SNX29: variants seen among roughly 807,000 people sequenced by gnomAD.
SNX29 encodes the protein sorting nexin-29.
In SNX29, 78 loss-of-function variants were observed where a neutral mutation model predicts 102.1. The observed-to-expected ratio is 0.76, with a 90% CI of 0.64 to 0.92. SNX29 has a LOEUF of 0.92. Among genes scored for constraint, SNX29 ranks in the 40% least tolerant of loss-of-function variants. SNX29 has a pLI of 0.00. For synonymous variants in SNX29, 580 were observed against 414.5 expected (o/e 1.40, Z -4.85); for missense variants, 1,280 against 1,061.7 (o/e 1.21, Z -2.86).
At chr16:12,216,384 A>G (rs1400955491) in intron 14 of SNX29, among the ~76,000 whole-genome samples, 1 of 152,210 alleles carries the variant, frequency 6.6e-6, no homozygotes, top group Admixed American at 6.5e-5. Context: ...ATGATGGCAC[A>G]AAAAGCAATA....
chr16:12,555,194 C>T (rs1016994021), intron 20 of SNX29, among the ~76,000 whole-genome samples: 17 of 151,928 alleles, frequency 1.1e-4, no homozygotes, highest in East Asian at 2.0e-4. Context: ...GTGTGGCATG[C>T]AGACTGGACT....
rs562753811 is a variant in SNX29, at chr16:12,036,674, A to G, written c.248-6223A>G. 7.2e-5 allele frequency among the ~76,000 whole-genome samples: 11 copies of G among 151,920 alleles called. No individual in the cohort carries two copies. The East Asian group carries it at 2.1e-3, about 29-fold the overall frequency. ...TTTTTGTTGTTGTTGTTGTTGAGCAATGCTTTGTTTGTTTTGGGGCAGTGT... is the reference window on the plus strand; with the variant it reads ...TTTTTGTTGTTGTTGTTGTTGAGCAGTGCTTTGTTTGTTTTGGGGCAGTGT... On this transcript the variant is annotated intron_variant, in intron 4 of 20. Transcript: ENST00000566228.
chr16:12,427,604 C>T (rs191836997), intron 18 of SNX29, among the ~76,000 whole-genome samples: 132 of 152,274 alleles, frequency 8.7e-4, no homozygotes, highest in African/African-American at 2.9e-3. Flanking sequence ...TTTAATCAAA[C>T]AACAGTGACC....
intron 14 of SNX29, among the ~76,000 whole-genome samples, chr16:12,241,742 A>G (rs117972251): frequency 0.013 from 1,908 of 152,296 alleles, 16 homozygotes; most frequent in Non-Finnish European, 0.021. Context: ...GATTACAGGC[A>G]TGAGCCACCA....
intron 16 of SNX29, among the ~76,000 whole-genome samples, chr16:12,386,255 TC>T (rs1464240957): frequency 6.6e-6 from 1 of 152,170 alleles, no homozygotes; most frequent in African/African-American, 2.4e-5. Context: ...TGGTGCGGCT[TC>T]CAGATAATGA....
chr16:12,553,304 C>T (rs895182412), intron 20 of SNX29, among the ~76,000 whole-genome samples: 8 of 152,222 alleles, frequency 5.3e-5, no homozygotes, highest in Non-Finnish European at 7.3e-5. Context: ...GAGTGGGCAC[C>T]TGGCCCTGGG....
At chr16:12,004,470 A>G (rs965938375) in intron 3 of SNX29, among the ~76,000 whole-genome samples, 3 of 152,292 alleles carry the variant, frequency 2.0e-5, no homozygotes, top group Admixed American at 2.0e-4. Context: ...GGAGACACAT[A>G]GGCATCCAGT....
chr16:12,478,316 A>C (rs2087752129), intron 19 of SNX29, among the ~76,000 whole-genome samples: 1 of 152,220 alleles, frequency 6.6e-6, no homozygotes, highest in Non-Finnish European at 1.5e-5. Context: ...TGGACCAAAA[A>C]ATGCTTTTCT....
At chr16:12,443,543 C>T (rs1338196986) in intron 18 of SNX29, among the ~76,000 whole-genome samples, 2 of 152,180 alleles carry the variant, frequency 1.3e-5, no homozygotes, top group African/African-American at 4.8e-5. Context: ...ATCTCTGCCT[C>T]CCCTTCAAGC....
At chr16:12,245,197 A>G (rs2078225160) in intron 14 of SNX29, among the ~76,000 whole-genome samples, 1 of 152,146 alleles carries the variant, frequency 6.6e-6, no homozygotes, top group Non-Finnish European at 1.5e-5. Flanking sequence ...TCGTTCTTAC[A>G]GCGGAATCCT....
intron 20 of SNX29, among the ~76,000 whole-genome samples, chr16:12,565,872 A>G (rs776798640): frequency 6.6e-6 from 1 of 152,152 alleles, no homozygotes; most frequent in Non-Finnish European, 1.5e-5. Flanking sequence ...TGCCCTGCTC[A>G]GAACAACCTG....
intron 13 of SNX29, among the ~76,000 whole-genome samples, chr16:12,167,286 G>A (rs1351787847): frequency 6.6e-6 from 1 of 152,204 alleles, no homozygotes; most frequent in Non-Finnish European, 1.5e-5. Flanking sequence ...GATGGTCCTT[G>A]TCTGAGCTCT....
intron 20 of SNX29, among the ~76,000 whole-genome samples, chr16:12,533,980 T>TG (rs2077000501): frequency 6.6e-6 from 1 of 152,264 alleles, no homozygotes; most frequent in South Asian, 2.1e-4. Flanking sequence ...GTGGGCCACA[T>TG]GGGGTCCACT....
chr16:12,564,435 C>T (rs540387186), intron 20 of SNX29, among the ~76,000 whole-genome samples: 2 of 152,326 alleles, frequency 1.3e-5, no homozygotes, highest in East Asian at 3.9e-4. Context: ...ATCCTCATTT[C>T]ACAGATCAGA....
chr16:12,006,887 G>A (rs1276334369), intron 3 of SNX29, among the ~76,000 whole-genome samples: 1 of 152,084 alleles, frequency 6.6e-6, no homozygotes, highest in East Asian at 1.9e-4. Flanking sequence ...CCAAAGTGTT[G>A]GTATTACAGG....
chr16:12,031,516 A>T (rs1309172039), intron 4 of SNX29, among the ~76,000 whole-genome samples: 1 of 151,914 alleles, frequency 6.6e-6, no homozygotes, highest in East Asian at 1.9e-4. Flanking sequence ...TCTCTTAAAA[A>T]AAAAATATGG....
At chr16:12,530,784 G>A (rs1454238355) in intron 20 of SNX29, among the ~76,000 whole-genome samples, 1 of 152,146 alleles carries the variant, frequency 6.6e-6, no homozygotes, top group African/African-American at 2.4e-5. Flanking sequence ...TCAAACTCCT[G>A]ACCTCCAGTG....
intron 16 of SNX29, among the ~76,000 whole-genome samples, chr16:12,370,654 C>A (rs74008996): frequency 0.01 from 1,542 of 152,322 alleles, 33 homozygotes; most frequent in African/African-American, 0.035. Flanking sequence ...GCACCAAGGG[C>A]ATCTTCCGGC....
intron 14 of SNX29, among the ~76,000 whole-genome samples, chr16:12,250,040 G>A (rs2142374268): frequency 6.6e-6 from 1 of 152,312 alleles, no homozygotes; most frequent in African/African-American, 2.4e-5. Context: ...GAGCTCCAGT[G>A]CCAGGGGAGC....
Sources: gnomAD v4.1 joint callset for allele counts (sites outside exome capture counted in the v4.1 genomes callset) on GRCh38, gnomAD v4.1.1 for gene constraint, MANE v1.5 for transcripts, NCBI Gene and HGNC (gene_info 2026-07-23, HGNC 2026-07-21) for gene names.